The following MND1 variants were observed in gnomAD, a reference collection of about 807,000 sequenced individuals.
MND1 encodes the protein meiotic nuclear divisions 1.
MND1 carries 28 observed loss-of-function variants against 35.1 expected under a neutral mutation model. That is an observed-to-expected ratio of 0.80 (90% CI 0.59 to 1.09). The LOEUF (loss-of-function observed/expected upper bound fraction) is 1.09. Among genes scored for constraint, MND1 ranks in the 50% least tolerant of loss-of-function variants. The pLI, the probability that MND1 is intolerant of heterozygous loss-of-function variation, is 0.00. For missense variants in MND1, 213 were observed against 239.6 expected, an observed-to-expected ratio of 0.89 and a Z score of 0.73; for synonymous variants, 69 against 70.5, an observed-to-expected ratio of 0.98 and a Z score of 0.11.
At chr4:153,408,799 ATAT>A (rs1729591052) in intron 6 of MND1, among the ~76,000 whole-genome samples, 169 bp from the exon 7 acceptor site, 1 of 150,984 alleles carries the variant, frequency 6.6e-6, no homozygotes, top group Non-Finnish European at 1.5e-5. Context: ...GTAAAATACA[ATAT>A]TATGTCACTA....
At chr4:153,349,998 T>C (rs1579889849) in intron 1 of MND1, 66 bp from the exon 2 acceptor site, 1 of 1,143,002 alleles carries the variant, frequency 8.7e-7, no homozygotes, top group African/African-American at 1.5e-5. Context: ...TTTCAAATGT[T>C]GCAAATCCAG....
At chr4:153,412,422 G>T (rs1241247102) in intron 7 of MND1, among the ~76,000 whole-genome samples, 1 of 151,680 alleles carries the variant, frequency 6.6e-6, no homozygotes, top group African/African-American at 2.4e-5. Flanking sequence ...GTTTCTCCAG[G>T]TCTTCCTTCT....
At chr4:153,352,927 G>A (rs946728620) in intron 2 of MND1, among the ~76,000 whole-genome samples, 16 of 152,090 alleles carry the variant, frequency 1.1e-4, no homozygotes, top group Middle Eastern at 3.4e-3. Context: ...TTCAATGACC[G>A]CACTTGAGTT....
At chr4:153,354,772 T>TTA (rs1167995269) in intron 2 of MND1, among the ~76,000 whole-genome samples, 3 of 152,164 alleles carry the variant, frequency 2.0e-5, no homozygotes, top group African/African-American at 7.2e-5. Context: ...AGTGGTGGGA[T>TTA]TATAGACAGG....
intron 4 of MND1, among the ~76,000 whole-genome samples, chr4:153,391,577 A>T (rs943502442): frequency 1.7e-4 from 26 of 151,564 alleles, no homozygotes; most frequent in African/African-American, 5.8e-4. Context: ...AATACAAAAA[A>T]TTCGTCGGAT....
intron 4 of MND1, among the ~76,000 whole-genome samples, chr4:153,384,450 T>G (rs563204267): frequency 1.1e-5 from 1 of 91,622 alleles, no homozygotes; most frequent in Admixed American, 1.0e-4. Flanking sequence ...TTAATTTTTT[T>G]TTTTTTTTTT....
In MND1 at chr4:153,394,329, G is replaced by A. The variant is rs1729140854; in HGVS notation, c.344G>A (p.Cys115Tyr). 2 of 1,611,444 alleles carry A rather than the reference G, an allele frequency of 1.2e-6. No homozygotes were observed. Among genetic ancestry groups the A allele is most frequent in the South Asian group, 1.1e-5 (1 of 90,986 alleles). The stretch of plus-strand genomic sequence containing the variant: ...ATTGAGAAAGCTAAAATTGGCCGAT[G>A]TGAAACGGTAAGTTTGTGTCTATAG... ...KSIEKAKIGR[C>Y]ETEERTRLAK... Residue 115 changes from cysteine to tyrosine, a missense_variant, in exon 5 of 8, where the codon TGT (cysteine) becomes TAT (tyrosine). Physicochemically the swap from Cys to Tyr is radical, Grantham distance 194 (BLOSUM62 -2). Coordinates refer to ENST00000240488, the MANE Select transcript of MND1 (RefSeq NM_032117.4).
intron 4 of MND1, among the ~76,000 whole-genome samples, chr4:153,360,291 G>A (rs1419885713): frequency 6.6e-6 from 1 of 152,034 alleles, no homozygotes; most frequent in Non-Finnish European, 1.5e-5. Flanking sequence ...TATCTCAACA[G>A]CATCTTTCAC....
intron 4 of MND1, among the ~76,000 whole-genome samples, chr4:153,391,320 C>T (rs935628965): frequency 3.9e-5 from 6 of 152,006 alleles, no homozygotes; most frequent in African/African-American, 7.2e-5. Flanking sequence ...TGCGCCACCA[C>T]GACTGGCTAA....
intron 4 of MND1, among the ~76,000 whole-genome samples, chr4:153,372,938 T>A (rs1773826979): frequency 6.6e-6 from 1 of 152,188 alleles, no homozygotes; most frequent in African/African-American, 2.4e-5. Flanking sequence ...ATGAAATGAC[T>A]TATTTATTCC....
intron 2 of MND1, among the ~76,000 whole-genome samples, chr4:153,355,391 T>C (rs1244773715): frequency 6.6e-6 from 1 of 151,838 alleles, no homozygotes; most frequent in East Asian, 1.9e-4. Context: ...TGACTATAGT[T>C]AATAATATAT....
In MND1 at chr4:153,350,068, A is replaced by G. The variant is rs1343874356; in HGVS notation, c.8A>G (p.Lys3Arg). Residue 3 changes from lysine (K) to arginine (R), a missense_variant, in exon 2 of 8, where the codon AAG becomes AGG. Physicochemically the swap from Lys to Arg is conservative, Grantham distance 26 (BLOSUM62 2). Coordinates refer to ENST00000240488, the MANE Select transcript of MND1 (RefSeq NM_032117.4). MS[K>R]KKGLSAEEKR... ...TTGTTAATTTTTTTGCTTTAGTCAA[A>G]GAAAAAAGGACTGAGTGCAGAAGAA... The G allele has an allele frequency of 6.3e-7, 1 of 1,593,020 alleles. No individual in the cohort carries two copies. Among genetic ancestry groups the G allele is most frequent in the East Asian group, 2.2e-5 (1 of 44,656 alleles).
intron 4 of MND1, among the ~76,000 whole-genome samples, chr4:153,391,724 T>TCACACACA (rs1447078747): frequency 1.7e-5 from 1 of 58,852 alleles, no homozygotes; most frequent in Non-Finnish European, 3.0e-5. Context: ...TGAAACTCCA[T>TCACACACA]CATACACACA....
At chr4:153,389,758 C>T (rs1357878540) in intron 4 of MND1, among the ~76,000 whole-genome samples, 1 of 152,188 alleles carries the variant, frequency 6.6e-6, no homozygotes, top group Non-Finnish European at 1.5e-5. Context: ...TTTTCTACTT[C>T]AGGCTACAGT....
chr4:153,381,022 C>T (rs1195633768), intron 4 of MND1, among the ~76,000 whole-genome samples: 3 of 151,924 alleles, frequency 2.0e-5, no homozygotes, highest in African/African-American at 7.3e-5. Context: ...GCCTCAGCCT[C>T]CCAAGTAGCT....
At chr4:153,403,879 C>T (rs1428006314) in intron 6 of MND1, among the ~76,000 whole-genome samples, 1 of 152,050 alleles carries the variant, frequency 6.6e-6, no homozygotes, top group Non-Finnish European at 1.5e-5. Flanking sequence ...AATCCTCCTG[C>T]CTCAGTCCCC....
chr4:153,400,591 T>C (rs1269471295), intron 6 of MND1, among the ~76,000 whole-genome samples: 1 of 152,108 alleles, frequency 6.6e-6, no homozygotes, highest in Non-Finnish European at 1.5e-5. Flanking sequence ...TCCAGTTTTA[T>C]TACCTTTCTA....
At chr4:153,377,000 C>A (rs1446716698) in intron 4 of MND1, among the ~76,000 whole-genome samples, 2 of 152,118 alleles carry the variant, frequency 1.3e-5, no homozygotes, top group Non-Finnish European at 2.9e-5. Context: ...GGCAGCAAGT[C>A]TATGTAGTGG....
intron 1 of MND1, chr4:153,345,611 A>G (rs908578087): frequency 1.4e-5 from 12 of 858,132 alleles, no homozygotes; most frequent in African/African-American, 1.8e-5. Context: ...CGAAGAATCA[A>G]CATCTGGTTA....
Sources: allele counts gnomAD v4.1 joint callset (sites outside exome capture counted in the v4.1 genomes callset), GRCh38; gene constraint gnomAD v4.1.1; transcripts MANE v1.5; gene names NCBI Gene and HGNC (gene_info 2026-07-23, HGNC 2026-07-21).